CREB3L2: variants seen among roughly 807,000 people sequenced by gnomAD.
CREB3L2 encodes cyclic AMP-responsive element-binding protein 3-like protein 2.
A neutral mutation model predicts 57.2 loss-of-function variants in CREB3L2; 23 were observed. The ratio of observed to expected loss-of-function variants is 0.40; its 90% CI spans 0.29 to 0.57. The LOEUF (loss-of-function observed/expected upper bound fraction) is 0.57. CREB3L2 is among the 20% of genes least tolerant of loss of function. The probability of loss-of-function intolerance (pLI) is 0.42; values close to 1 mark genes in which losing one functional copy is unlikely to be tolerated. For synonymous variants in CREB3L2, 268 were observed against 265.1 expected (o/e 1.01, Z -0.11); for missense variants, 628 against 634.7 (o/e 0.99, Z 0.11).
Position 138,001,082 on chromosome 7 carries a change from A to AACACACACACACACAC in CREB3L2, c.102+506_102+521dup, listed in dbSNP as rs59967148. ...CTCCCTAACGTAGAGGAGCCCTTTC[A>AACACACACACACACAC]ACACACACACACACACACACACACA... is the stretch of plus-strand genomic sequence containing the variant. On this transcript the variant is annotated intron_variant, in intron 1 of 11. Coordinates refer to ENST00000330387, the MANE Select transcript of CREB3L2 (RefSeq NM_194071.4). The surrounding 1 kb of genome is among the most constrained non-coding windows in gnomAD (Gnocchi z 4.2). Among the ~76,000 whole-genome samples the AACACACACACACACAC allele has an allele frequency of 7.3e-4, 100 of 136,810 alleles. 1 individual carries two copies. The highest frequency in any genetic ancestry group is 1.8e-3 in the East Asian group (8 of 4,534). 89.8% of individuals were successfully genotyped at this position (136,810 alleles called of 152,430 possible). A position where few individuals can be genotyped will look rare whatever the true frequency, so the allele number is the denominator to read the frequency against.
intron 1 of CREB3L2, chr7:137,956,715 A>G (rs1801220341): frequency 9.0e-7 from 1 of 1,111,400 alleles, no homozygotes; most frequent in Non-Finnish European, 1.2e-6. Flanking sequence ...TTCACAATCC[A>G]GGTTCTGAAT....
intron 1 of CREB3L2, among the ~76,000 whole-genome samples, chr7:137,974,917 T>TA (rs947485536): frequency 2.6e-5 from 4 of 152,122 alleles, no homozygotes; most frequent in Admixed American, 1.3e-4. Flanking sequence ...AATCAGGTCT[T>TA]AGAGACAGAT....
intron 2 of CREB3L2, 72 bp downstream of exon 2, chr7:137,928,076 TAC>T (rs762266269): frequency 4.4e-6 from 5 of 1,143,698 alleles, no homozygotes; most frequent in Non-Finnish European, 5.1e-6. Flanking sequence ...TTTAATATAA[TAC>T]ACACTCCACA....
At chr7:137,966,473 GA>G (rs1013519477) in intron 1 of CREB3L2, among the ~76,000 whole-genome samples, 3 of 152,180 alleles carry the variant, frequency 2.0e-5, no homozygotes, top group African/African-American at 7.2e-5. Flanking sequence ...GAATATTTAA[GA>G]AGTGTATGTT....
In CREB3L2 at chr7:137,972,684, CAAAA is replaced by C. The variant is rs58627909; in HGVS notation, c.102+28916_102+28919del. On this transcript the variant is annotated intron_variant, in intron 1 of 11. Coordinates refer to ENST00000330387, the MANE Select transcript of CREB3L2 (RefSeq NM_194071.4). ...CAACACAGTGAGATCCCCGTCTCTA[CAAAA>C]AAAAAAAAAAAAAAAAAAAAAAAAA... Among the ~76,000 whole-genome samples, 76 of 9,630 alleles carry C rather than the reference CAAAA, an allele frequency of 7.9e-3. 3 individuals are homozygous for C. Among genetic ancestry groups the C allele is most frequent in the African/African-American group, 0.018 (65 of 3,600 alleles). The allele number at this position is 9,630 out of a possible 152,430, so 6.3% of individuals were successfully genotyped here. A position where few individuals can be genotyped will look rare whatever the true frequency, so the allele number is the denominator to read the frequency against.
chr7:137,938,869 T>C (rs1484709824), intron 1 of CREB3L2, among the ~76,000 whole-genome samples: 1 of 152,214 alleles, frequency 6.6e-6, no homozygotes, highest in East Asian at 1.9e-4. Flanking sequence ...ATCCACTGTT[T>C]CATTTTAAGA....
At position 137,928,284 on chromosome 7, in the gene CREB3L2, A is replaced by G. The variant is rs1800527108; in HGVS notation, c.185T>C (p.Val62Ala). ...LNDPFLSEKS[V>A]SMEVEPSPTS... Reference sequence around the variant, plus strand: ...CGGGGAAGGTTCCACCTCCATTGACACACTCTTCTCTGAGAGGAAAGGATC... The same window carrying G: ...CGGGGAAGGTTCCACCTCCATTGACGCACTCTTCTCTGAGAGGAAAGGATC... Residue 62 changes from valine (V) to alanine (A), a missense_variant, in exon 2 of 12, where the codon GTG becomes GCG. Transcript: ENST00000330387. 2 of 1,614,058 alleles carry G rather than the reference A, an allele frequency of 1.2e-6. No homozygotes were observed. Among genetic ancestry groups the G allele is most frequent in the Admixed American group, 3.3e-5 (2 of 60,006 alleles).
At chr7:137,956,634 C>T in intron 1 of CREB3L2, 2 of 1,288,980 alleles carry the variant, frequency 1.6e-6, no homozygotes, top group Non-Finnish European at 2.0e-6. Context: ...TCTCGAGAAG[C>T]CAGCAGCCCA....
chr7:137,913,006 A>G lies in CREB3L2; in HGVS notation c.568T>C (p.Phe190Leu), dbSNP rs1800047895. 1 of 1,613,880 alleles carries G rather than the reference A, an allele frequency of 6.2e-7. No homozygotes were observed. The highest frequency in any genetic ancestry group is 8.5e-7 in the Non-Finnish European group (1 of 1,179,898). Residue 190 changes from phenylalanine to leucine, a missense_variant, in exon 4 of 12, where the codon TTC (phenylalanine) becomes CTC (leucine). Physicochemically the swap from Phe to Leu is conservative, Grantham distance 22. Coordinates refer to ENST00000330387, the MANE Select transcript of CREB3L2 (RefSeq NM_194071.4). The stretch of plus-strand genomic sequence containing the variant: ...GCAGACAGACCTTCTTTAGGAGAGA[A>G]GTTTAGAAACTGATCCACTTCATGA... ...EPHEVDQFLN[F>L]SPKEAPVDHL...
At chr7:137,920,194 A>T (rs1158224077) in intron 2 of CREB3L2, among the ~76,000 whole-genome samples, 1 of 152,106 alleles carries the variant, frequency 6.6e-6, no homozygotes, top group Non-Finnish European at 1.5e-5. Context: ...CCTTGGGCTG[A>T]TCCCCACCCA....
chr7:137,960,772 A>G (rs1046728387), intron 1 of CREB3L2, among the ~76,000 whole-genome samples: 3 of 130,850 alleles, frequency 2.3e-5, no homozygotes, highest in Non-Finnish European at 3.4e-5. Context: ...ACATAATCTT[A>G]TTTACCAATT....
chr7:137,901,035 CATTTAGGAAAAGTA>C (rs563889128), intron 8 of CREB3L2, among the ~76,000 whole-genome samples: 33 of 152,200 alleles, frequency 2.2e-4, no homozygotes, highest in African/African-American at 7.9e-4. Context: ...AATCCTGTAT[CATTTAGGAAAAGTA>C]AAGAATATGC....
chr7:137,944,332 A>C (rs1800928690), intron 1 of CREB3L2, among the ~76,000 whole-genome samples: 1 of 152,236 alleles, frequency 6.6e-6, no homozygotes, highest in South Asian at 2.1e-4. Flanking sequence ...AGTAAAATTA[A>C]GAAATTGTGC....
intron 1 of CREB3L2, among the ~76,000 whole-genome samples, chr7:137,957,549 T>C (rs1466595577): frequency 1.3e-5 from 2 of 152,102 alleles, no homozygotes; most frequent in African/African-American, 2.4e-5. Context: ...CCCAGACTAC[T>C]TCGCATCAGA....
intron 1 of CREB3L2, chr7:137,999,554 T>A (rs1402480639): frequency 6.6e-6 from 1 of 152,186 alleles, no homozygotes; most frequent in Non-Finnish European, 1.5e-5. Context: ...GGCCATCCTT[T>A]TTCTACATAA....
At chr7:137,977,891 A>C (rs1054816281) in intron 1 of CREB3L2, among the ~76,000 whole-genome samples, 3 of 149,830 alleles carry the variant, frequency 2.0e-5, no homozygotes, top group Non-Finnish European at 4.4e-5. Flanking sequence ...ACTGCACTCC[A>C]GCCTGGGCAA....
intron 1 of CREB3L2, among the ~76,000 whole-genome samples, chr7:137,958,444 C>T (rs892699907): frequency 3.3e-5 from 5 of 152,010 alleles, no homozygotes; most frequent in East Asian, 1.9e-4. Context: ...GCAGGAGGAT[C>T]GCTTGAGCTC....
At chr7:137,995,603 G>A (rs1267241580) in intron 1 of CREB3L2, among the ~76,000 whole-genome samples, 2 of 152,028 alleles carry the variant, frequency 1.3e-5, no homozygotes, top group Non-Finnish European at 2.9e-5. Context: ...AAAGTGCTGG[G>A]ATTACAGGCG....
rs555898694 is a variant in CREB3L2, at chr7:137,955,275, A to G, written c.103-26909T>C. ...ATAGAAAAAGCACGTGTTCACAGAC[A>G]GTTTCTCTAAGGAGCAAGCAGCAAA... On this transcript the variant is annotated intron_variant, in intron 1 of 11. Transcript: ENST00000330387. The G allele has an allele frequency of 2.2e-5, 29 of 1,289,128 alleles. No individual in the cohort carries two copies. The African/African-American group carries it at 4.2e-4, about 19-fold the overall frequency. The allele number at this position is 1,289,128 out of a possible 1,614,324, so 79.9% of individuals were successfully genotyped here.
Sources: gnomAD v4.1 joint callset for allele counts (sites outside exome capture counted in the v4.1 genomes callset) on GRCh38, gnomAD v4.1.1 for gene constraint, Gnocchi (gnomAD v3.1) non-coding constraint, MANE v1.5 for transcripts, NCBI Gene and HGNC (gene_info 2026-07-23, HGNC 2026-07-21) for gene names.